Variants in LRRC3C observed in about 807,000 individuals in gnomAD.
LRRC3C encodes the protein leucine rich repeat containing 3C.
Under a neutral mutation model 14.8 loss-of-function variants are expected in LRRC3C, and 11 were observed. The ratio of observed to expected loss-of-function variants is 0.74; its 90% CI spans 0.47 to 1.23. The LOEUF is 1.23. LRRC3C is among the 50% of genes most tolerant of loss of function. The probability of loss-of-function intolerance (pLI) is 0.00; values close to 1 mark genes in which losing one functional copy is unlikely to be tolerated. For missense variants in LRRC3C, 354 were observed against 361.8 expected (o/e 0.98, Z 0.18); for synonymous variants, 149 against 161.5 (o/e 0.92, Z 0.59).
In LRRC3C at chr17:39,940,000, A is replaced by G. The variant is rs80124814; in HGVS notation, c.-81-1443A>G. On this transcript the variant is annotated intron_variant, in intron 2 of 3. Transcript: ENST00000377924. ...CCAGTGTGAGAGAGGAACAGGGGGA[A>G]AGGGAGGATTGCTCAGCTTTCTGTC... Among the ~76,000 whole-genome samples the G allele has an allele frequency of 1.5e-3, 232 of 152,348 alleles. 6 individuals carry two copies. In the East Asian group the frequency reaches 0.038, roughly 25 times the overall value.
Position 39,927,754 on chromosome 17 carries a change from G to A in LRRC3C, c.-235G>A. ...CCTGGGCTCCGTTCCCGGCCTCTTCGGGGACGCACGGTTGGAAGTTGTACC... is the reference window on the plus strand; with the variant it reads ...CCTGGGCTCCGTTCCCGGCCTCTTCAGGGACGCACGGTTGGAAGTTGTACC... On this transcript the variant is annotated 5_prime_UTR_variant, in exon 1 of 4. Coordinates refer to ENST00000377924, the MANE Select transcript of LRRC3C (RefSeq NM_001195545.2). 1.0e-6 allele frequency: 1 copy of A among 985,486 alleles called. No individual in the cohort carries two copies. Among genetic ancestry groups the A allele is most frequent in the Non-Finnish European group, 1.2e-6 (1 of 829,966 alleles). 61.0% of individuals were successfully genotyped at this position (985,486 alleles called of 1,614,324 possible).
chr17:39,935,511 G>A (rs1978772269), intron 1 of LRRC3C, among the ~76,000 whole-genome samples: 1 of 152,150 alleles, frequency 6.6e-6, no homozygotes, highest in Non-Finnish European at 1.5e-5. Flanking sequence ...AAGTTAGCTG[G>A]GTGTGGTGGT....
intron 1 of LRRC3C, among the ~76,000 whole-genome samples, chr17:39,930,809 G>C (rs1452123214): frequency 6.6e-6 from 1 of 151,658 alleles, no homozygotes; most frequent in Non-Finnish European, 1.5e-5. Context: ...ATGTTTAGGC[G>C]TGATATGGAA....
At chr17:39,933,819 C>T (rs1978723943) in intron 1 of LRRC3C, among the ~76,000 whole-genome samples, 1 of 152,238 alleles carries the variant, frequency 6.6e-6, no homozygotes, top group African/African-American at 2.4e-5. Flanking sequence ...CCCCTCCTCC[C>T]CCACCTGCTT....
In LRRC3C at chr17:39,944,905, G is replaced by C. The variant is rs1338050205; in HGVS notation, c.*171G>C. Among the ~76,000 whole-genome samples the C allele has an allele frequency of 6.7e-6, 1 of 148,752 alleles. No homozygotes were observed. The highest frequency in any genetic ancestry group is 2.0e-4 in the East Asian group (1 of 5,082). The stretch of plus-strand genomic sequence containing the variant: ...GTGCTGGTTCTCTCTCTCTCTCTCT[G>C]TGTCGTCTTAACCAACACCATCTTT... On this transcript the variant is annotated 3_prime_UTR_variant, in exon 4 of 4. Coordinates refer to ENST00000377924, the MANE Select transcript of LRRC3C (RefSeq NM_001195545.2).
intron 1 of LRRC3C, 62 bp from the exon 2 acceptor site, chr17:39,935,740 G>A (rs1978779162): frequency 1.3e-6 from 1 of 767,244 alleles, no homozygotes; most frequent in Non-Finnish European, 1.6e-6. Flanking sequence ...AAGTAAATGA[G>A]ACAGTATCTC....
rs1368424252 is a variant in LRRC3C, at chr17:39,941,474, CAT to C, written c.-48_-47del. Reference sequence around the variant, plus strand: ...AATTCCGTGTCCAGTCCTGGTCACCCATAGTCTTCCAAAATCCAGCAAGAAAA... The same window carrying C: ...AATTCCGTGTCCAGTCCTGGTCACCCAGTCTTCCAAAATCCAGCAAGAAAA... On this transcript the variant is annotated 5_prime_UTR_variant, in exon 3 of 4. It removes the in-frame stop codon of an upstream open reading frame in the 5' UTR. Coordinates refer to ENST00000377924, the MANE Select transcript of LRRC3C (RefSeq NM_001195545.2). 113 of 1,498,012 alleles carry C rather than the reference CAT, an allele frequency of 7.5e-5. No homozygotes were observed. The East Asian group carries it at 2.8e-3, about 37-fold the overall frequency. 92.8% of individuals were successfully genotyped at this position (1,498,012 alleles called of 1,614,324 possible). A position where few individuals can be genotyped will look rare whatever the true frequency, so the allele number is the denominator to read the frequency against.
At chr17:39,939,204 G>A (rs1204057686) in intron 2 of LRRC3C, 1 of 245,542 alleles carries the variant, frequency 4.1e-6, no homozygotes, top group Non-Finnish European at 6.5e-6. Context: ...CTGATGGGCT[G>A]AGATCAATCA....
chr17:39,939,489 G>A, intron 2 of LRRC3C: 1 of 777,868 alleles, frequency 1.3e-6, no homozygotes, highest in Non-Finnish European at 1.6e-6. Context: ...TAGACCCCAT[G>A]CACAGAGATT....
rs186235856 is a variant in LRRC3C at position 39,944,363 on chromosome 17, A to G, written c.457A>G (p.Ile153Val). Residue 153 changes from isoleucine to valine, a missense_variant, in exon 4 of 4, where the codon ATC becomes GTC. Coordinates refer to ENST00000377924, the MANE Select transcript of LRRC3C (RefSeq NM_001195545.2). ...CGTGGAGGCCTTTGTGGGGCTACAG[A>G]TCCAAGTGAACCTATCCGCAAACCC... ...VPVEAFVGLQ[I>V]QVNLSANPWH... is the part of the protein sequence containing the mutation. The G allele has an allele frequency of 3.9e-4, 603 of 1,533,348 alleles. 2 individuals carry two copies. In the African/African-American group the frequency reaches 7.7e-3, roughly 20 times the overall value. 95.0% of individuals were successfully genotyped at this position (1,533,348 alleles called of 1,614,324 possible).
rs1979031702 is a variant in LRRC3C, at chr17:39,944,500, G to A, written c.594G>A (p.Gln198=). The A allele has an allele frequency of 1.3e-6, 2 of 1,491,422 alleles. No individual in the cohort carries two copies. Among genetic ancestry groups the A allele is most frequent in the Non-Finnish European group, 1.8e-6 (2 of 1,122,462 alleles). The allele number at this position is 1,491,422 out of a possible 1,614,324, so 92.4% of individuals were successfully genotyped here. A position where few individuals can be genotyped will look rare whatever the true frequency, so the allele number is the denominator to read the frequency against. ...GAGCCCGACCGGACCTCGTGGGGCA[G>A]GAGTTCCTGCTGCTGGCAGGGGAGG... is the stretch of plus-strand genomic sequence containing the variant. ...GSGARPDLVG[Q]EFLLLAGEEE... The change falls in exon 4 of 4, where the codon CAG becomes CAA. Residue 198 remains glutamine, a synonymous_variant. Coordinates refer to ENST00000377924, the MANE Select transcript of LRRC3C (RefSeq NM_001195545.2).
intron 3 of LRRC3C, among the ~76,000 whole-genome samples, chr17:39,942,374 A>T (rs1316022304): frequency 6.6e-6 from 1 of 152,128 alleles, no homozygotes; most frequent in Non-Finnish European, 1.5e-5. Context: ...CCTGCAAATG[A>T]TGCCTGGGAT....
Position 39,944,782 on chromosome 17 carries a change from C to A in LRRC3C, c.*48C>A. On this transcript the variant is annotated 3_prime_UTR_variant, in exon 4 of 4. Transcript: ENST00000377924. ...CACACCCCACACTCCTGCCCCTATG[C>A]CCTCTCCTTTGCTCTGACCCCCTCT... is the stretch of plus-strand genomic sequence containing the variant. 1 of 1,509,396 alleles carries A rather than the reference C, an allele frequency of 6.6e-7. No homozygotes were observed. Among genetic ancestry groups the A allele is most frequent in the Non-Finnish European group, 8.9e-7 (1 of 1,125,904 alleles). The allele number at this position is 1,509,396 out of a possible 1,614,324, so 93.5% of individuals were successfully genotyped here.
intron 3 of LRRC3C, among the ~76,000 whole-genome samples, chr17:39,943,060 C>A (rs780289423): frequency 6.6e-6 from 1 of 152,180 alleles, no homozygotes; most frequent in Non-Finnish European, 1.5e-5. Context: ...CAACAGAGTT[C>A]ATCAGGGTCC....
At position 39,944,717 on chromosome 17, in the gene LRRC3C, C is replaced by T; in HGVS notation, c.811C>T (p.Leu271Phe). ...LPVRSEDSSI[L>F]STVV ...CGTGCGTTCCGAGGACTCCTCCATCCTCAGCACAGTGGTCTGATGACCCAG... is the reference window on the plus strand; with the variant it reads ...CGTGCGTTCCGAGGACTCCTCCATCTTCAGCACAGTGGTCTGATGACCCAG... Residue 271 changes from leucine to phenylalanine, a missense_variant, in exon 4 of 4, where the codon CTC becomes TTC. Leu to Phe is a conservative substitution (Grantham distance 22). Coordinates refer to ENST00000377924, the MANE Select transcript of LRRC3C (RefSeq NM_001195545.2). 6.5e-7 allele frequency: 1 copy of T among 1,536,020 alleles called. No homozygotes were observed. The highest frequency in any genetic ancestry group is 8.7e-7 in the Non-Finnish European group (1 of 1,146,878).
chr17:39,936,980 A>T (rs947840305), intron 2 of LRRC3C, among the ~76,000 whole-genome samples: 2 of 151,726 alleles, frequency 1.3e-5, no homozygotes, highest in African/African-American at 2.4e-5. Flanking sequence ...TAACATTAAT[A>T]AAAAAAATTG....
At chr17:39,931,942 C>T (rs1180343610) in intron 1 of LRRC3C, among the ~76,000 whole-genome samples, 2 of 152,076 alleles carry the variant, frequency 1.3e-5, no homozygotes, top group African/African-American at 2.4e-5. Flanking sequence ...TGAGCCACCA[C>T]GCCTGGGCTA....
At chr17:39,942,392 C>A (rs367664157) in intron 3 of LRRC3C, among the ~76,000 whole-genome samples, 10 of 152,226 alleles carry the variant, frequency 6.6e-5, no homozygotes, top group East Asian at 3.9e-4. Context: ...GATAGGGACA[C>A]CCTGGGGGAA....
intron 1 of LRRC3C, chr17:39,934,644 T>A (rs1978748418): frequency 6.6e-6 from 1 of 152,210 alleles, no homozygotes; most frequent in African/African-American, 2.4e-5. Context: ...CTGAACTATG[T>A]AACGGAACTG....
Sources: gnomAD v4.1 joint callset for allele counts (sites outside exome capture counted in the v4.1 genomes callset) on GRCh38, gnomAD v4.1.1 for gene constraint, MANE v1.5 for transcripts, NCBI Gene and HGNC (gene_info 2026-07-23, HGNC 2026-07-21) for gene names.